RCN3: variants seen among roughly 807,000 people sequenced by gnomAD.
The protein encoded by RCN3 is reticulocalbin 3, also known as reticulocalbin-3.
In RCN3, 41 loss-of-function variants were observed where a neutral mutation model predicts 35.9. That is an observed-to-expected ratio of 1.14 (90% confidence interval 0.89 to 1.48). The LOEUF is 1.48. Among genes scored for constraint, RCN3 ranks in the 40% most tolerant of loss-of-function variants. The pLI is 0.00. For missense variants in RCN3, 451 were observed against 471.3 expected (o/e 0.96, Z 0.40); for synonymous variants, 187 against 193.4 (o/e 0.97, Z 0.27).
intron 2 of RCN3, among the ~76,000 whole-genome samples, chr19:49,533,239 A>G (rs1424331221): frequency 1.3e-5 from 2 of 152,304 alleles, no homozygotes; most frequent in Admixed American, 1.3e-4. Flanking sequence ...CCCTAGACAG[A>G]CTGGAGCAGA....
At position 49,535,727 on chromosome 19, in the gene RCN3, G is replaced by C. The variant is rs768675371; in HGVS notation, c.446-1306G>C. ...TAGCTGGGCGTGATGGTGTGCACCT[G>C]TGATCACAGCTACTCTGGAGGGTGA... is the stretch of plus-strand genomic sequence containing the variant. On this transcript the variant is annotated intron_variant, in intron 3 of 6. Coordinates refer to ENST00000270645, the MANE Select transcript of RCN3 (RefSeq NM_020650.3). Among the ~76,000 whole-genome samples the C allele has an allele frequency of 5.9e-4, 90 of 151,704 alleles. No homozygotes were observed. The Middle Eastern group carries it at 0.01, about 17-fold the overall frequency.
chr19:49,539,110 C>G lies in RCN3; in HGVS notation c.619-9C>G. The G allele has an allele frequency of 6.3e-7, 1 of 1,590,976 alleles. No homozygotes were observed. The highest frequency in any genetic ancestry group is 8.5e-7 in the Non-Finnish European group (1 of 1,170,112). Reference sequence around the variant, plus strand: ...CGGCCCCCAGCCTCAATGCCCCTTTCTCCTCCAGGAAACCCTGGAGGACCT... The same window carrying G: ...CGGCCCCCAGCCTCAATGCCCCTTTGTCCTCCAGGAAACCCTGGAGGACCT... On this transcript the variant is annotated splice_polypyrimidine_tract_variant and intron_variant, in intron 4 of 6. Transcript: ENST00000270645.
chr19:49,533,193 C>T (rs1240470774), intron 2 of RCN3, among the ~76,000 whole-genome samples: 1 of 152,208 alleles, frequency 6.6e-6, no homozygotes, highest in East Asian at 1.9e-4. Context: ...CACCAGGAAC[C>T]TCAGAGAAGG....
chr19:49,529,349 C>T (rs576070110), intron 2 of RCN3, among the ~76,000 whole-genome samples: 16 of 152,272 alleles, frequency 1.1e-4, no homozygotes, highest in Admixed American at 3.3e-4. Context: ...GAGGTTTGGC[C>T]TTTAAGGAGC....
At chr19:49,538,616 G>T (rs2080148262) in intron 4 of RCN3, among the ~76,000 whole-genome samples, 1 of 152,088 alleles carries the variant, frequency 6.6e-6, no homozygotes, top group South Asian at 2.1e-4. Context: ...CCAGCCCACA[G>T]TCTTATAGTG....
intron 4 of RCN3, among the ~76,000 whole-genome samples, 178 bp downstream of exon 4, chr19:49,537,383 C>T (rs2080141524): frequency 6.6e-6 from 1 of 152,228 alleles, no homozygotes; most frequent in Admixed American, 6.5e-5. Context: ...CCCACCTCCA[C>T]TCTCAGTCCC....
Position 49,528,411 on chromosome 19 carries a change from C to T in RCN3, c.-6-56C>T, listed in dbSNP as rs1409127588. 9 of 1,430,936 alleles carry T rather than the reference C, an allele frequency of 6.3e-6. No individual in the cohort carries two copies. In the South Asian group the frequency reaches 1.1e-4, roughly 18 times the overall value. 88.6% of individuals were successfully genotyped at this position (1,430,936 alleles called of 1,614,324 possible). On this transcript the variant is annotated intron_variant, in intron 1 of 6. Transcript: ENST00000270645. ...CCCCTCCACCCCGCCATTCTCCTAT[C>T]CCGTGTCTGTCCCCATCCCTGTGAC... is the stretch of plus-strand genomic sequence containing the variant.
chr19:49,540,159 GTC>G (rs1035228844), intron 5 of RCN3, among the ~76,000 whole-genome samples: 2 of 147,034 alleles, frequency 1.4e-5, no homozygotes, highest in Non-Finnish European at 1.5e-5. Flanking sequence ...CTATCTGTCT[GTC>G]TGTGTGTGTG....
intron 4 of RCN3, 31 bp downstream of exon 4, chr19:49,537,236 A>G (rs777976585): frequency 1.4e-6 from 2 of 1,443,898 alleles, no homozygotes; most frequent in African/African-American, 2.9e-5. Flanking sequence ...CCTGTCCCCC[A>G]CACCCTTCCG....
intron 2 of RCN3, among the ~76,000 whole-genome samples, chr19:49,532,923 G>T (rs1347047523): frequency 6.7e-6 from 1 of 148,556 alleles, no homozygotes; most frequent in African/African-American, 2.5e-5. Flanking sequence ...TGATTCGCCT[G>T]TCTTGGCTTC....
intron 2 of RCN3, among the ~76,000 whole-genome samples, chr19:49,530,005 G>T (rs2080100656): frequency 1.3e-5 from 2 of 152,078 alleles, no homozygotes; most frequent in Admixed American, 1.3e-4. Context: ...AGGCTGGAGT[G>T]CAGTGACGTG....
chr19:49,542,170 T>G (rs1463284194), intron 5 of RCN3, among the ~76,000 whole-genome samples: 2 of 152,080 alleles, frequency 1.3e-5, no homozygotes, highest in Non-Finnish European at 2.9e-5. Flanking sequence ...AGTGTTGGAT[T>G]ACAGTCATCA....
intron 1 of RCN3, 177 bp from the exon 2 acceptor site, chr19:49,528,290 C>T (rs753468204): frequency 3.1e-4 from 174 of 563,398 alleles, no homozygotes; most frequent in South Asian, 1.3e-3. Context: ...GGTGGCTTTA[C>T]CTCTAAGCAT....
chr19:49,533,235 A>T (rs2080117551), intron 2 of RCN3, among the ~76,000 whole-genome samples: 1 of 152,158 alleles, frequency 6.6e-6, no homozygotes, highest in African/African-American at 2.4e-5. Flanking sequence ...GGGGCCCTAG[A>T]CAGACTGGAG....
Position 49,543,214 on chromosome 19 carries a change from G to A in RCN3, c.*1G>A. The stretch of plus-strand genomic sequence containing the variant: ...GACCCGGCACCACGATGAGCTGTGA[G>A]CACCGCGCACCTGCCACAGCCTCAG... On this transcript the variant is annotated 3_prime_UTR_variant, in exon 7 of 7. Coordinates refer to ENST00000270645, the MANE Select transcript of RCN3 (RefSeq NM_020650.3). 2 of 1,602,868 alleles carry A rather than the reference G, an allele frequency of 1.2e-6. No individual in the cohort carries two copies. The highest frequency in any genetic ancestry group is 1.7e-6 in the Non-Finnish European group (2 of 1,173,966).
At chr19:49,534,108 A>G (rs1216702121) in intron 2 of RCN3, 85 bp from the exon 3 acceptor site, 1 of 1,268,452 alleles carries the variant, frequency 7.9e-7, no homozygotes, top group Non-Finnish European at 1.0e-6. Context: ...CCCGGATCCG[A>G]AGTGTCCCAG....
chr19:49,542,491 C>T, intron 5 of RCN3, 62 bp from the exon 6 acceptor site: 3 of 1,233,230 alleles, frequency 2.4e-6, no homozygotes, highest in Admixed American at 2.1e-5. Flanking sequence ...CAGGATCAGC[C>T]CCCAGCTCCA....
At chr19:49,538,161 G>GTTT (rs1205196408) in intron 4 of RCN3, among the ~76,000 whole-genome samples, 3 of 120,520 alleles carry the variant, frequency 2.5e-5, no homozygotes, top group Admixed American at 8.7e-5. Context: ...TCTGGCTAAT[G>GTTT]TTTTTTTTTT....
rs537909686 is a variant in RCN3 at position 49,539,179 on chromosome 19, G to A, written c.679G>A (p.Ala227Thr). The A allele has an allele frequency of 2.0e-5, 32 of 1,609,624 alleles. No homozygotes were observed. Among genetic ancestry groups the A allele is most frequent in the Admixed American group, 1.5e-4 (9 of 58,950 alleles). ...DGYVQVEEYI[A>T]DLYSAEPGEE... ...CTATGTCCAGGTGGAGGAGTACATC[G>A]GTGAGTGGGCCCCAATTTCTTCTTG... is the stretch of plus-strand genomic sequence containing the variant. The change falls in exon 5 of 7, where the codon GCG becomes ACG. Residue 227 changes from alanine (A) to threonine (T), a missense_variant and splice_region_variant. Transcript: ENST00000270645.
Sources: gnomAD v4.1 joint callset for allele counts (sites outside exome capture counted in the v4.1 genomes callset) on GRCh38, gnomAD v4.1.1 for gene constraint, MANE v1.5 for transcripts, NCBI Gene and HGNC (gene_info 2026-07-23, HGNC 2026-07-21) for gene names.